Variants in SHISA9 observed in about 807,000 individuals in gnomAD.
SHISA9 encodes the protein shisa family member 9.
SHISA9 carries 13 observed loss-of-function variants against 38.0 expected under a neutral mutation model. The observed-to-expected ratio is 0.34, with a 90% confidence interval of 0.22 to 0.54. The LOEUF is 0.54. SHISA9 is among the 20% of genes least tolerant of loss of function. SHISA9 has a pLI of 0.91. For synonymous variants in SHISA9, 275 were observed against 242.0 expected (o/e 1.14, Z -1.27); for missense variants, 538 against 575.8 (o/e 0.93, Z 0.67).
At chr16:13,228,086 ATAT>A (rs1489702982) in intron 4 of SHISA9, among the ~76,000 whole-genome samples, 2 of 152,222 alleles carry the variant, frequency 1.3e-5, no homozygotes, top group African/African-American at 4.8e-5. Flanking sequence ...AGAGTGGTTA[ATAT>A]TATCCCCATT....
intron 2 of SHISA9, among the ~76,000 whole-genome samples, chr16:13,131,781 G>A (rs887565163): frequency 6.6e-6 from 1 of 152,128 alleles, no homozygotes; most frequent in Non-Finnish European, 1.5e-5. Context: ...TAAGGAACTT[G>A]CCTGAAGCCT....
At chr16:13,444,776 T>TTCTTCCCTCCCTCTTCCCTCCC in the SHISA9 span, among the ~76,000 whole-genome samples, 1 of 147,312 alleles carries the variant, frequency 6.8e-6, no homozygotes, top group African/African-American at 2.5e-5. Context: ...AGATTTCTCT[T>TTCTTCCCTCCCTCTTCCCTCCC]TCTTCCCTCC....
intron 2 of SHISA9, among the ~76,000 whole-genome samples, chr16:13,170,608 C>A (rs1055736799): frequency 6.6e-6 from 1 of 152,180 alleles, no homozygotes; most frequent in African/African-American, 2.4e-5. Context: ...TGTAACTAAC[C>A]TGCACATCCT....
At chr16:13,109,204 T>G (rs549269222) in intron 2 of SHISA9, among the ~76,000 whole-genome samples, 2 of 152,206 alleles carry the variant, frequency 1.3e-5, no homozygotes, top group Non-Finnish European at 2.9e-5. Context: ...TTGTTCTATT[T>G]TTTTGTAGGG....
At chr16:12,950,280 C>T (rs772634018) in intron 2 of SHISA9, among the ~76,000 whole-genome samples, 4 of 152,132 alleles carry the variant, frequency 2.6e-5, no homozygotes, top group Non-Finnish European at 5.9e-5. Flanking sequence ...TGGACATTTA[C>T]GTTGATTCCA....
At chr16:12,926,171 A>T (rs1345663599) in intron 2 of SHISA9, among the ~76,000 whole-genome samples, 1 of 152,262 alleles carries the variant, frequency 6.6e-6, no homozygotes, top group Non-Finnish European at 1.5e-5. Flanking sequence ...CAAACCACAG[A>T]CATGAACTAT....
chr16:12,942,781 TC>T (rs57929860), intron 2 of SHISA9, among the ~76,000 whole-genome samples: 4,386 of 152,310 alleles, frequency 0.029, 187 homozygotes, highest in African/African-American at 0.099. Context: ...TTTGCTCTCA[TC>T]TTGGCATATG....
At chr16:13,398,031 G>T in the SHISA9 span, among the ~76,000 whole-genome samples, 9 of 152,282 alleles carry the variant, frequency 5.9e-5, no homozygotes, top group African/African-American at 1.9e-4. Context: ...CCAAACTCCA[G>T]GAGGATCCGA....
intron 2 of SHISA9, among the ~76,000 whole-genome samples, chr16:12,954,309 T>A (rs2071800345): frequency 1.3e-5 from 2 of 152,072 alleles, no homozygotes; most frequent in Non-Finnish European, 1.5e-5. Context: ...AAACAGCAAA[T>A]GTGGGCAGAA....
intron 2 of SHISA9, among the ~76,000 whole-genome samples, chr16:12,960,087 T>C (rs1377511359): frequency 6.6e-6 from 1 of 152,218 alleles, no homozygotes; most frequent in Non-Finnish European, 1.5e-5. Flanking sequence ...TCTTATGTGT[T>C]TACTTGCGTG....
the SHISA9 span, among the ~76,000 whole-genome samples, chr16:13,434,251 G>A: frequency 6.6e-6 from 1 of 152,066 alleles, no homozygotes; most frequent in Non-Finnish European, 1.5e-5. Context: ...TGATTAGATT[G>A]TGTCCACCCA....
intron 2 of SHISA9, among the ~76,000 whole-genome samples, chr16:13,135,418 A>G (rs1368302900): frequency 1.3e-5 from 2 of 152,212 alleles, no homozygotes; most frequent in African/African-American, 4.8e-5. Flanking sequence ...CTACATCATC[A>G]TAGTCTTTCC....
At chr16:13,518,727 C>G in the SHISA9 span, among the ~76,000 whole-genome samples, 192 of 152,288 alleles carry the variant, frequency 1.3e-3, no homozygotes, top group African/African-American at 4.4e-3. Flanking sequence ...AAATAATACT[C>G]TTAGTCCAGT....
intron 2 of SHISA9, among the ~76,000 whole-genome samples, chr16:12,951,080 G>A (rs888012689): frequency 3.3e-5 from 5 of 150,842 alleles, no homozygotes; most frequent in Non-Finnish European, 5.9e-5. Context: ...AATTAGCCAG[G>A]CGTGGTGGCA....
At chr16:13,264,416 G>A in the SHISA9 span, among the ~76,000 whole-genome samples, 2 of 151,902 alleles carry the variant, frequency 1.3e-5, no homozygotes, top group Non-Finnish European at 2.9e-5. Flanking sequence ...CAAGTGATTC[G>A]CCCCCCTCGG....
At chr16:13,458,480 A>C in the SHISA9 span, 1 of 392,280 alleles carries the variant, frequency 2.5e-6, no homozygotes, top group Non-Finnish European at 5.0e-6. Context: ...ACTCATTTAC[A>C]GCTAGAAATT....
chr16:13,034,321 T>C (rs1398208602), intron 2 of SHISA9, among the ~76,000 whole-genome samples: 1 of 152,166 alleles, frequency 6.6e-6, no homozygotes, highest in Non-Finnish European at 1.5e-5. Flanking sequence ...TCCTTGGGAA[T>C]GACCCAATTT....
downstream of SHISA9, among the ~76,000 whole-genome samples, chr16:13,242,046 C>T (rs1291968483): frequency 6.6e-6 from 1 of 152,216 alleles, no homozygotes; most frequent in East Asian, 1.9e-4. Flanking sequence ...ATTTGCAGAG[C>T]CACACACTGT....
At chr16:13,382,936 G>A in the SHISA9 span, among the ~76,000 whole-genome samples, 3 of 152,120 alleles carry the variant, frequency 2.0e-5, no homozygotes, top group Admixed American at 2.0e-4. Flanking sequence ...CAAGCAATAT[G>A]TTACTGATCA....
Sources: allele counts gnomAD v4.1 joint callset (sites outside exome capture counted in the v4.1 genomes callset), GRCh38; gene constraint gnomAD v4.1.1; transcripts MANE v1.5; gene names NCBI Gene and HGNC (gene_info 2026-07-23, HGNC 2026-07-21).